The following MTA3 variants were observed in gnomAD, a reference collection of about 807,000 sequenced individuals.
The protein encoded by MTA3 is metastasis associated 1 family member 3.
MTA3 carries 34 observed loss-of-function variants against 83.5 expected under a neutral mutation model. The ratio of observed to expected loss-of-function variants is 0.41; its 90% CI spans 0.31 to 0.54. The LOEUF is 0.54. Among genes scored for constraint, MTA3 ranks in the 20% least tolerant of loss-of-function variants. MTA3 has a pLI of 0.33. For synonymous variants in MTA3, 303 were observed against 252.7 expected, an observed-to-expected ratio of 1.20 and a Z score of -1.89; for missense variants, 761 against 726.4, an observed-to-expected ratio of 1.05 and a Z score of -0.55.
intron 3 of MTA3, among the ~76,000 whole-genome samples, chr2:42,590,909 C>T (rs1239542729): frequency 6.6e-6 from 1 of 152,202 alleles, no homozygotes; most frequent in Non-Finnish European, 1.5e-5. Flanking sequence ...GTTTTCATGA[C>T]TGTGTGTTAT....
At chr2:42,656,838 C>T (rs1289992140) in intron 7 of MTA3, among the ~76,000 whole-genome samples, 1 of 152,122 alleles carries the variant, frequency 6.6e-6, no homozygotes, top group Non-Finnish European at 1.5e-5. Context: ...AGTAAAAGTA[C>T]ATCAGCAAGC....
At chr2:42,644,748 A>T (rs1311748415) in intron 6 of MTA3, among the ~76,000 whole-genome samples, 1 of 152,116 alleles carries the variant, frequency 6.6e-6, no homozygotes, top group Non-Finnish European at 1.5e-5. Context: ...GTGATCTGTG[A>T]TCAGTGATCT....
chr2:42,729,631 A>G (rs1668111543), intron 16 of MTA3, among the ~76,000 whole-genome samples: 1 of 152,146 alleles, frequency 6.6e-6, no homozygotes, highest in Non-Finnish European at 1.5e-5. Context: ...TGGGTTCTCC[A>G]TTCTGTTCCA....
chr2:42,693,015 G>T lies in MTA3; in HGVS notation c.892-2750G>T, dbSNP rs551203703. On this transcript the variant is annotated intron_variant, in intron 9 of 16. Transcript: ENST00000405094. ...GTACTCCCTTGGTAGTCTCAGATTA[G>T]ATCTGGAATTCTCTGGATTACCAGA... Among the ~76,000 whole-genome samples the T allele has an allele frequency of 3.3e-5, 5 of 152,260 alleles. No homozygotes were observed. The South Asian group carries it at 1.0e-3, about 32-fold the overall frequency.
In MTA3 at chr2:42,701,026, G is replaced by T. The variant is rs568981849; in HGVS notation, c.1026-3168G>T. Reference sequence around the variant, plus strand: ...GGTAGGAGGATTGCTTGAACCTGGGGGTTTGATGCTGCAGTGAGTTGTGAT... The same window carrying T: ...GGTAGGAGGATTGCTTGAACCTGGGTGTTTGATGCTGCAGTGAGTTGTGAT... On this transcript the variant is annotated intron_variant, in intron 11 of 16. Coordinates refer to ENST00000405094, the MANE Select transcript of MTA3 (RefSeq NM_001330442.2). 5.9e-5 allele frequency among the ~76,000 whole-genome samples: 9 copies of T among 152,098 alleles called. No homozygotes were observed. In the East Asian group the frequency reaches 1.7e-3, roughly 29 times the overall value.
rs959500678 is a variant in MTA3 at position 42,752,805 on chromosome 2, C to A, written c.1760-569C>A. Among the ~76,000 whole-genome samples, 4 of 152,322 alleles carry A rather than the reference C, an allele frequency of 2.6e-5. No homozygotes were observed. In the East Asian group the frequency reaches 5.8e-4, roughly 22 times the overall value. ...GTGTACTGTAGCACCTCTCCAGTGA[C>A]CACTAAACCCGCCTATTCAAAACCC... On this transcript the variant is annotated intron_variant, in intron 16 of 16. Transcript: ENST00000405094.
chr2:42,537,904 CT>C (rs1469146244), intron 2 of MTA3, among the ~76,000 whole-genome samples: 1 of 151,998 alleles, frequency 6.6e-6, no homozygotes, highest in African/African-American at 2.4e-5. Context: ...ATATCTGTAC[CT>C]GACTTCCGGG....
intron 7 of MTA3, 120 bp downstream of exon 7, chr2:42,656,422 A>G (rs1050910868): frequency 1.9e-6 from 1 of 534,684 alleles, no homozygotes; most frequent in African/African-American, 1.9e-5. Context: ...TTATTTTTTT[A>G]GTTAGGTAAG....
At chr2:42,601,962 C>A (rs1247194564) in intron 3 of MTA3, among the ~76,000 whole-genome samples, 1 of 152,170 alleles carries the variant, frequency 6.6e-6, no homozygotes, top group Non-Finnish European at 1.5e-5. Flanking sequence ...ACCTCAGCCC[C>A]CTGAGTAGCT....
At position 42,753,623 on chromosome 2, in the gene MTA3, G is replaced by A; in HGVS notation, c.*224G>A. ...AGCAGCACCTCGCTTTCTTGTCAGA[G>A]ACCTCGCTGTTACGGAGCGAGACCT... On this transcript the variant is annotated 3_prime_UTR_variant, in exon 17 of 17. Transcript: ENST00000405094. The A allele has an allele frequency of 2.9e-6, 4 of 1,361,152 alleles. No homozygotes were observed. The highest frequency in any genetic ancestry group is 3.8e-6 in the Non-Finnish European group (4 of 1,055,424). 84.3% of individuals were successfully genotyped at this position (1,361,152 alleles called of 1,614,324 possible).
chr2:42,638,967 T>C (rs937928076), intron 4 of MTA3, among the ~76,000 whole-genome samples: 3 of 151,876 alleles, frequency 2.0e-5, no homozygotes, highest in African/African-American at 7.2e-5. Flanking sequence ...GTTAGCACTT[T>C]TAGTATTTTA....
At chr2:42,604,506 A>G (rs1196293949) in intron 3 of MTA3, among the ~76,000 whole-genome samples, 4 of 150,034 alleles carry the variant, frequency 2.7e-5, no homozygotes, top group South Asian at 4.2e-4. Context: ...TTGTGAGTCT[A>G]TCCTTGCTGC....
At chr2:42,524,472 G>GTTTTTTTTTTTTTTTTT (rs58288129) in intron 2 of MTA3, among the ~76,000 whole-genome samples, 5 of 70,662 alleles carry the variant, frequency 7.1e-5, no homozygotes, top group Admixed American at 1.8e-4. Context: ...GGCTAGTTGT[G>GTTTTTTTTTTTTTTTTT]TTTTTTTTTT....
intron 6 of MTA3, among the ~76,000 whole-genome samples, chr2:42,652,456 A>C (rs564257472): frequency 4.0e-5 from 6 of 151,640 alleles, no homozygotes; most frequent in African/African-American, 1.5e-4. Context: ...CCATCTGGAA[A>C]TATACCGAAG....
chr2:42,713,757 T>C (rs539852738), intron 14 of MTA3, among the ~76,000 whole-genome samples: 13 of 152,230 alleles, frequency 8.5e-5, no homozygotes, highest in Non-Finnish European at 1.8e-4. Context: ...TATTGAAAAC[T>C]GCCTCCTTTT....
At chr2:42,602,131 G>T (rs982862131) in intron 3 of MTA3, among the ~76,000 whole-genome samples, 1 of 152,032 alleles carries the variant, frequency 6.6e-6, no homozygotes, top group African/African-American at 2.4e-5. Context: ...GTGAACCACT[G>T]CCCAGTCCTA....
At chr2:42,701,935 G>T (rs1473081906) in intron 11 of MTA3, among the ~76,000 whole-genome samples, 1 of 149,488 alleles carries the variant, frequency 6.7e-6, no homozygotes, top group African/African-American at 2.5e-5. Context: ...AATAGGCTGG[G>T]CATGGTGGCT....
chr2:42,675,292 C>T (rs1257325003), intron 8 of MTA3, among the ~76,000 whole-genome samples: 2 of 152,002 alleles, frequency 1.3e-5, no homozygotes, highest in Non-Finnish European at 2.9e-5. Flanking sequence ...CATGCCACCA[C>T]ACCCAGCTAA....
chr2:42,729,005 A>G (rs548821410), intron 16 of MTA3, among the ~76,000 whole-genome samples: 59 of 148,350 alleles, frequency 4.0e-4, no homozygotes, highest in Non-Finnish European at 7.4e-4. Flanking sequence ...GTGCCTGTGG[A>G]TATTACTCAA....
Sources: gnomAD v4.1 joint callset for allele counts (sites outside exome capture counted in the v4.1 genomes callset) on GRCh38, gnomAD v4.1.1 for gene constraint, MANE v1.5 for transcripts, NCBI Gene and HGNC (gene_info 2026-07-23, HGNC 2026-07-21) for gene names.